The following WWOX variants were observed in gnomAD, a reference collection of about 807,000 sequenced individuals.
WWOX encodes WW domain containing oxidoreductase.
WWOX carries 69 observed loss-of-function variants against 46.2 expected under a neutral mutation model. That is an observed-to-expected ratio of 1.49 (90% CI 1.23 to 1.82). The LOEUF (loss-of-function observed/expected upper bound fraction) is 1.82, where lower values mean the gene tolerates loss of function less well. Ranked by LOEUF, WWOX falls within the 40% of genes most tolerant of loss-of-function variation. The pLI, the probability that WWOX is intolerant of heterozygous loss-of-function variation, is 0.00. For missense variants in WWOX, 919 were observed against 542.6 expected, an observed-to-expected ratio of 1.69 and a Z score of -6.89; for synonymous variants, 359 against 202.6, an observed-to-expected ratio of 1.77 and a Z score of -6.56.
At chr16:79,188,489 A>C (rs1459774434) in intron 8 of WWOX, among the ~76,000 whole-genome samples, 1 of 152,234 alleles carries the variant, frequency 6.6e-6, no homozygotes, top group African/African-American at 2.4e-5. Flanking sequence ...TAGGAGGTTC[A>C]GCACGCATTG....
At chr16:78,968,626 G>T (rs967067655) in intron 8 of WWOX, among the ~76,000 whole-genome samples, 1 of 152,170 alleles carries the variant, frequency 6.6e-6, no homozygotes, top group Non-Finnish European at 1.5e-5. Flanking sequence ...GGTTCATGAT[G>T]GTGACAAAAA....
At chr16:78,204,117 G>C (rs1555502903) in intron 5 of WWOX, among the ~76,000 whole-genome samples, 1 of 152,214 alleles carries the variant, frequency 6.6e-6, no homozygotes, top group Non-Finnish European at 1.5e-5. Flanking sequence ...TGTACTACCT[G>C]TAGCAAGAGC....
intron 8 of WWOX, among the ~76,000 whole-genome samples, chr16:79,127,755 A>G (rs1297762262): frequency 1.3e-5 from 2 of 152,146 alleles, no homozygotes; most frequent in Non-Finnish European, 2.9e-5. Flanking sequence ...TTAGGGTGGC[A>G]TTTCCTGACT....
At chr16:78,482,985 G>T (rs754623091) in intron 8 of WWOX, among the ~76,000 whole-genome samples, 4 of 152,088 alleles carry the variant, frequency 2.6e-5, no homozygotes, top group Non-Finnish European at 5.9e-5. Flanking sequence ...CATGTTGTGG[G>T]CCCACTTTAA....
At chr16:78,654,782 T>C (rs2047044221) in intron 8 of WWOX, among the ~76,000 whole-genome samples, 2 of 152,116 alleles carry the variant, frequency 1.3e-5, no homozygotes, top group African/African-American at 4.8e-5. Context: ...TTTGACATTG[T>C]GATGAAACAT....
intron 5 of WWOX, among the ~76,000 whole-genome samples, chr16:78,254,619 C>T (rs1007085315): frequency 1.1e-4 from 16 of 150,304 alleles, no homozygotes; most frequent in African/African-American, 3.9e-4. Context: ...GATCCTCCCA[C>T]CTCAGCCTCC....
chr16:78,201,235 A>G (rs1326776323), intron 5 of WWOX, among the ~76,000 whole-genome samples: 1 of 152,232 alleles, frequency 6.6e-6, no homozygotes, highest in African/African-American at 2.4e-5. Context: ...AACCAAAATG[A>G]TTGTCTGTTA....
intron 8 of WWOX, among the ~76,000 whole-genome samples, chr16:79,117,450 G>A (rs1340087783): frequency 6.6e-6 from 1 of 152,210 alleles, no homozygotes; most frequent in Non-Finnish European, 1.5e-5. Flanking sequence ...CACAGGGAGA[G>A]TAGGTTTAGC....
intron 4 of WWOX, among the ~76,000 whole-genome samples, chr16:78,144,702 G>A (rs992474253): frequency 3.3e-5 from 5 of 150,404 alleles, no homozygotes; most frequent in Non-Finnish European, 7.4e-5. Flanking sequence ...TGTATTTTTA[G>A]TAGAGGTGGG....
At chr16:79,152,540 G>T (rs891862536) in intron 8 of WWOX, among the ~76,000 whole-genome samples, 1 of 151,986 alleles carries the variant, frequency 6.6e-6, no homozygotes, top group East Asian at 1.9e-4. Context: ...GCGTGGTGGC[G>T]TGTTCCTGTA....
At chr16:78,498,005 A>C (rs756921480) in intron 8 of WWOX, among the ~76,000 whole-genome samples, 1 of 152,052 alleles carries the variant, frequency 6.6e-6, no homozygotes, top group Non-Finnish European at 1.5e-5. Flanking sequence ...GATCGAGACC[A>C]TCCTGGCTAA....
intron 8 of WWOX, among the ~76,000 whole-genome samples, chr16:78,773,985 C>G (rs1046963199): frequency 6.6e-6 from 1 of 152,230 alleles, no homozygotes; most frequent in Non-Finnish European, 1.5e-5. Flanking sequence ...AAATGAGACT[C>G]TTTCACACTG....
At chr16:78,128,328 A>G (rs1464810908) in intron 4 of WWOX, among the ~76,000 whole-genome samples, 1 of 152,170 alleles carries the variant, frequency 6.6e-6, no homozygotes, top group Non-Finnish European at 1.5e-5. Flanking sequence ...AATTTTAATG[A>G]TGCGATCTCA....
intron 5 of WWOX, among the ~76,000 whole-genome samples, chr16:78,322,585 C>T (rs1056135859): frequency 6.6e-6 from 1 of 152,194 alleles, no homozygotes; most frequent in Non-Finnish European, 1.5e-5. Context: ...GTGAGAGGTA[C>T]AATTCAAACC....
At chr16:78,684,729 T>C (rs1456627415) in intron 8 of WWOX, among the ~76,000 whole-genome samples, 1 of 152,132 alleles carries the variant, frequency 6.6e-6, no homozygotes, top group Non-Finnish European at 1.5e-5. Flanking sequence ...AAACTCTACT[T>C]TTTAGTGGGA....
At chr16:79,158,321 G>A (rs1022278291) in intron 8 of WWOX, among the ~76,000 whole-genome samples, 5 of 152,186 alleles carry the variant, frequency 3.3e-5, no homozygotes, top group African/African-American at 1.2e-4. Flanking sequence ...AGCAAATAGA[G>A]TTTTCAGGTG....
rs1394035827 is a variant in WWOX at position 78,528,913 on chromosome 16, TTTC to T, written c.1056+96164_1056+96166del. ...GAGAGTCAGTTGTTTAGAAAAAAAC[TTTC>T]TTTTTTTTTTCTTTCCTTTTTCTTT... On this transcript the variant is annotated intron_variant, in intron 8 of 8. Coordinates refer to ENST00000566780, the MANE Select transcript of WWOX (RefSeq NM_016373.4). 2.6e-5 allele frequency among the ~76,000 whole-genome samples: 4 copies of T among 151,600 alleles called. No homozygotes were observed. In the East Asian group the frequency reaches 7.7e-4, roughly 29 times the overall value.
chr16:79,208,305 G>A (rs553061861), intron 8 of WWOX, among the ~76,000 whole-genome samples: 15 of 152,086 alleles, frequency 9.9e-5, no homozygotes, highest in African/African-American at 3.1e-4. Flanking sequence ...CCATTGCTGC[G>A]GGATAGACAC....
chr16:78,171,764 G>T (rs1010080), intron 5 of WWOX, among the ~76,000 whole-genome samples: 53,096 of 151,970 alleles, frequency 0.35, 9,709 homozygotes, highest in East Asian at 0.49. Flanking sequence ...ATAAATAAAG[G>T]ATGATATAAA....
Sources: allele counts gnomAD v4.1 joint callset (sites outside exome capture counted in the v4.1 genomes callset), GRCh38; gene constraint gnomAD v4.1.1; transcripts MANE v1.5; gene names NCBI Gene and HGNC (gene_info 2026-07-23, HGNC 2026-07-21).